The following ATP2B3 variants were observed in gnomAD, a reference collection of about 807,000 sequenced individuals.
ATP2B3 encodes plasma membrane calcium-transporting ATPase 3.
A neutral mutation model predicts 70.8 loss-of-function variants in ATP2B3; 12 were observed. The observed-to-expected ratio is 0.17, with a 90% CI of 0.11 to 0.27. ATP2B3 has a LOEUF of 0.27. Ranked by LOEUF, ATP2B3 falls within the 10% of genes least tolerant of loss-of-function variation. The pLI is 1.00. For synonymous variants in ATP2B3, 460 were observed against 497.8 expected (o/e 0.92, Z 1.01); for missense variants, 858 against 1,118.5 (o/e 0.77, Z 3.32).
chrX:153,565,449 C>T, intron 21 of ATP2B3, among the ~76,000 whole-genome samples: 1 of 113,006 alleles, frequency 8.8e-6, no homozygotes, highest in East Asian at 2.8e-4. Flanking sequence ...GGAACGGCCC[C>T]AGGTCATAGG....
intron 2 of ATP2B3, among the ~76,000 whole-genome samples, chrX:153,529,924 C>G (rs184523261): frequency 1.0e-3 from 114 of 112,920 alleles, no homozygotes; most frequent in African/African-American, 3.6e-3. Flanking sequence ...GAGTCCTATT[C>G]TATGGCCTGG....
Position 153,580,366 on chromosome X carries a change from ACG to A in ATP2B3, c.*70_*71del. Reference sequence around the variant, plus strand: ...CACACGAAGTCACACGCACACATGCACGCACACACACATATGGGGACCTGCAC... The same window carrying A: ...CACACGAAGTCACACGCACACATGCACACACACACATATGGGGACCTGCAC... On this transcript the variant is annotated 3_prime_UTR_variant, in exon 22 of 22. Coordinates refer to ENST00000263519, the MANE Select transcript of ATP2B3 (RefSeq NM_001001344.3). 1 of 1,012,907 alleles carries A rather than the reference ACG, an allele frequency of 9.9e-7. No individual in the cohort carries two copies. The highest frequency in any genetic ancestry group is 1.4e-6 in the Non-Finnish European group (1 of 738,808). The allele number at this position is 1,012,907 out of a possible 1,213,427, so 83.5% of individuals were successfully genotyped here.
Position 153,546,110 on chromosome X carries a change from G to A in ATP2B3, c.939G>A (p.Met313Ile). ...TAGGCAAGCAGCAGGATGGGGCCAT[G>A]GAGAGTAGCCAGACCAAAGGTAACG... ...DKKGKQQDGA[M>I]ESSQTKAKKQ... The change falls in exon 8 of 22, where the codon ATG becomes ATA. Residue 313 changes from methionine to isoleucine, a missense_variant. This residue lies in a region of ATP2B3 where 278 missense variants were observed against 366.2 expected (regional missense o/e 0.76). Transcript: ENST00000263519. 1 of 1,211,528 alleles carries A rather than the reference G, an allele frequency of 8.3e-7. No homozygotes were observed. Among genetic ancestry groups the A allele is most frequent in the Non-Finnish European group, 1.1e-6 (1 of 895,442 alleles).
At chrX:153,569,342 A>G in intron 21 of ATP2B3, 1 of 547,702 alleles carries the variant, frequency 1.8e-6, no homozygotes. Flanking sequence ...GTGTGCCCTG[A>G]CTTGTGACCC....
rs949665515 is a variant in ATP2B3, at chrX:153,538,661, C to T, written c.208+2206C>T. 6.2e-5 allele frequency among the ~76,000 whole-genome samples: 7 copies of T among 113,099 alleles called. No individual in the cohort carries two copies. In the South Asian group the frequency reaches 1.1e-3, roughly 18 times the overall value. Reference sequence around the variant, plus strand: ...CATCTGGCCTCTGCTCCGGGCAGGCCGCCCATCTGTGTCCATGCCAACCGG... The same window carrying T: ...CATCTGGCCTCTGCTCCGGGCAGGCTGCCCATCTGTGTCCATGCCAACCGG... On this transcript the variant is annotated intron_variant, in intron 3 of 21. Transcript: ENST00000263519.
chrX:153,539,697 G>T (rs906646918), intron 3 of ATP2B3, among the ~76,000 whole-genome samples: 1 of 113,026 alleles, frequency 8.8e-6, no homozygotes, highest in African/African-American at 3.2e-5. Flanking sequence ...TCACGGCCGC[G>T]ACAGCACTGG....
intron 21 of ATP2B3, among the ~76,000 whole-genome samples, chrX:153,568,607 C>T (rs1416238291): frequency 8.9e-6 from 1 of 112,059 alleles, no homozygotes; most frequent in African/African-American, 3.2e-5. Flanking sequence ...CCCCTTGTGA[C>T]AAGCAAGCGA....
chrX:153,542,235 AGGCGGCCCAT>A, intron 5 of ATP2B3, 78 bp from the exon 6 acceptor site: 2 of 1,157,636 alleles, frequency 1.7e-6, no homozygotes, highest in Non-Finnish European at 2.3e-6. Context: ...TCCCTTTCCC[AGGCGGCCCAT>A]GGCACCTGAC....
At chrX:153,572,879 G>A (rs1053491973) in intron 21 of ATP2B3, among the ~76,000 whole-genome samples, 1 of 112,369 alleles carries the variant, frequency 8.9e-6, no homozygotes, top group Non-Finnish European at 1.9e-5. Flanking sequence ...GGGGCTGCGC[G>A]TCTGCCACTA....
intron 21 of ATP2B3, chrX:153,569,905 C>A: frequency 1.6e-6 from 1 of 624,882 alleles, no homozygotes; most frequent in Non-Finnish European, 2.4e-6. Flanking sequence ...GTCCTTCCCG[C>A]CCAGACGGTG....
Position 153,550,141 on chromosome X carries a change from C to G in ATP2B3, c.1678C>G (p.Pro560Ala), listed in dbSNP as rs782261423. The G allele has an allele frequency of 1.3e-5, 16 of 1,211,472 alleles. No homozygotes were observed. The Middle Eastern group carries it at 6.9e-4, about 52-fold the overall frequency. ...FVLDLKRDFQ[P>A]VREQIPEDKL... ...CTTGGACCTGAAGCGGGACTTCCAG[C>G]CCGTGCGCGAGCAGATCCCGGAAGA... The change falls in exon 12 of 22, where the codon CCC becomes GCC. Residue 560 changes from proline (P) to alanine (A), a missense_variant. Around this residue, in one of 5 missense-constraint regions of ATP2B3, gnomAD observed 242 missense variants for 281.3 expected, o/e 0.86. Coordinates refer to ENST00000263519, the MANE Select transcript of ATP2B3 (RefSeq NM_001001344.3).
At chrX:153,550,415 A>T in intron 12 of ATP2B3, 129 bp downstream of exon 12, 1 of 1,019,148 alleles carries the variant, frequency 9.8e-7, no homozygotes, top group South Asian at 2.3e-5. Context: ...GGCATTAAGC[A>T]CGTTCACAAT....
intron 2 of ATP2B3, among the ~76,000 whole-genome samples, chrX:153,522,137 G>A (rs781880949): frequency 2.7e-5 from 3 of 112,708 alleles, no homozygotes; most frequent in African/African-American, 3.2e-5. Flanking sequence ...TGAACGGGTC[G>A]TTCCTCAGAA....
chrX:153,559,601 T>C, intron 17 of ATP2B3, 128 bp from the exon 18 acceptor site: 1 of 563,154 alleles, frequency 1.8e-6, no homozygotes, highest in East Asian at 3.4e-5. Flanking sequence ...GATGGAGATG[T>C]CTGTTTTCAT....
intron 21 of ATP2B3, among the ~76,000 whole-genome samples, chrX:153,571,350 G>T (rs141326328): frequency 6.9e-4 from 77 of 112,398 alleles, no homozygotes; most frequent in African/African-American, 2.3e-3. Context: ...GACTTCCTCC[G>T]TATGTCTCTT....
intron 2 of ATP2B3, among the ~76,000 whole-genome samples, chrX:153,529,275 C>T (rs782374825): frequency 4.5e-5 from 5 of 112,007 alleles, no homozygotes; most frequent in Non-Finnish European, 9.4e-5. Context: ...ACCCACCTGG[C>T]TGGGCAGGAT....
rs2090907831 is a variant in ATP2B3 at position 153,580,259 on chromosome X, T to A, written c.3624T>A (p.Ser1208Arg). 2.5e-6 allele frequency: 3 copies of A among 1,205,871 alleles called. No homozygotes were observed. The highest frequency in any genetic ancestry group is 3.4e-6 in the Non-Finnish European group (3 of 893,158). Reference sequence around the variant, plus strand: ...CTACCTCTTCAGTGTTTTCCTCCAGTCCCGGGAGCCCGCTCCACAGCGTGG... The same window carrying A: ...CTACCTCTTCAGTGTTTTCCTCCAGACCCGGGAGCCCGCTCCACAGCGTGG... ...KSATSSVFSS[S>R]PGSPLHSVET... Residue 1208 changes from serine to arginine, a missense_variant, in exon 22 of 22, where the codon AGT (serine) becomes AGA (arginine). By Grantham distance (110) the Ser-to-Arg change is moderately radical. Coordinates refer to ENST00000263519, the MANE Select transcript of ATP2B3 (RefSeq NM_001001344.3).
chrX:153,541,823 C>A lies in ATP2B3; in HGVS notation c.561C>A (p.Ser187Arg). The part of the protein sequence containing the change: ...SKEKQFRGLQ[S>R]RIEQEQKFTV... ...AGAAGCAGTTCCGAGGCCTGCAGAG[C>A]CGAATTGAGCAGGAGCAGAAGTTCA... Residue 187 changes from serine (S) to arginine (R), a missense_variant, in exon 5 of 22, where the codon AGC becomes AGA. Ser to Arg is a moderately radical substitution (Grantham distance 110). Transcript: ENST00000263519. 1 of 1,211,505 alleles carries A rather than the reference C, an allele frequency of 8.3e-7. No individual in the cohort carries two copies. Among genetic ancestry groups the A allele is most frequent in the Non-Finnish European group, 1.1e-6 (1 of 895,503 alleles).
intron 20 of ATP2B3, 77 bp from the exon 21 acceptor site, chrX:153,564,844 C>A: frequency 9.9e-7 from 1 of 1,010,944 alleles, no homozygotes; most frequent in Non-Finnish European, 1.3e-6. Flanking sequence ...CCGGCGTCTC[C>A]CTCTGGAGAG....
Sources: allele counts gnomAD v4.1 joint callset (sites outside exome capture counted in the v4.1 genomes callset), GRCh38; gene constraint gnomAD v4.1.1; regional missense constraint gnomAD v4.1.1; transcripts MANE v1.5; gene names NCBI Gene and HGNC (gene_info 2026-07-23, HGNC 2026-07-21).